RFX6: variants seen among roughly 807,000 people sequenced by gnomAD.
RFX6 encodes DNA-binding protein RFX6.
In RFX6, 50 loss-of-function variants were observed where a neutral mutation model predicts 110.8. That is an observed-to-expected ratio of 0.45 (90% CI 0.36 to 0.57). The LOEUF is 0.57. Among genes scored for constraint, RFX6 ranks in the 20% least tolerant of loss-of-function variants. RFX6 has a pLI of 0.00. For missense variants in RFX6, 990 were observed against 1,127.0 expected (o/e 0.88, Z 1.74); for synonymous variants, 383 against 411.2 (o/e 0.93, Z 0.83).
Position 116,893,741 on chromosome 6 carries a change from G to A in RFX6, c.567-246G>A, listed in dbSNP as rs138670593. On this transcript the variant is annotated intron_variant, in intron 4 of 18. Coordinates refer to ENST00000332958, the MANE Select transcript of RFX6 (RefSeq NM_173560.4). ...ACCTAATGTTTTAGGGTATGTAAGAGGATTGTCAGTAGGTAATTCTCATTT... is the reference window on the plus strand; with the variant it reads ...ACCTAATGTTTTAGGGTATGTAAGAAGATTGTCAGTAGGTAATTCTCATTT... Among the ~76,000 whole-genome samples the A allele has an allele frequency of 1.7e-3, 260 of 152,234 alleles. 1 individual carries two copies. Among genetic ancestry groups the A allele is most frequent in the African/African-American group, 6.0e-3 (249 of 41,536 alleles).
Position 116,927,171 on chromosome 6 carries a change from A to G in RFX6, c.2030A>G (p.His677Arg), listed in dbSNP as rs1275124303. The change falls in exon 17 of 19, where the codon CAC becomes CGC. Residue 677 changes from histidine to arginine, a missense_variant. Around this residue, in one of 5 missense-constraint regions of RFX6, gnomAD observed 438 missense variants for 441.9 expected, o/e 0.99. Transcript: ENST00000332958. ...SVGPVLSAPSHCSTYPEPIYP... is the reference protein window; with the variant it reads ...SVGPVLSAPSRCSTYPEPIYP... Reference sequence around the variant, plus strand: ...GGCCCAGTACTGTCAGCTCCATCACACTGCTCCACATACCCAGAGCCCATT... The same window carrying G: ...GGCCCAGTACTGTCAGCTCCATCACGCTGCTCCACATACCCAGAGCCCATT... The G allele has an allele frequency of 6.2e-7, 1 of 1,613,994 alleles. No homozygotes were observed. The highest frequency in any genetic ancestry group is 8.5e-7 in the Non-Finnish European group (1 of 1,180,020).
intron 14 of RFX6, 70 bp from the exon 15 acceptor site, chr6:116,924,599 C>T (rs1775668517): frequency 1.0e-5 from 14 of 1,378,638 alleles, no homozygotes; most frequent in Non-Finnish European, 1.3e-5. Context: ...TTCTCTTTCC[C>T]TTTCCTTCTC....
At chr6:116,893,710 T>G (rs1774878685) in intron 4 of RFX6, among the ~76,000 whole-genome samples, 1 of 152,138 alleles carries the variant, frequency 6.6e-6, no homozygotes, top group African/African-American at 2.4e-5. Context: ...ATTATTGGGA[T>G]TTGGAACCTA....
At chr6:116,921,506 T>C (rs1243073778) in intron 12 of RFX6, among the ~76,000 whole-genome samples, 1 of 152,224 alleles carries the variant, frequency 6.6e-6, no homozygotes, top group Non-Finnish European at 1.5e-5. Flanking sequence ...TGAATACACA[T>C]ATAAGATTTA....
chr6:116,928,675 C>T, intron 17 of RFX6, 84 bp from the exon 18 acceptor site: 2 of 867,960 alleles, frequency 2.3e-6, no homozygotes, highest in South Asian at 1.3e-5. Flanking sequence ...TTTAGGACGT[C>T]ACCTCATTAC....
chr6:116,922,832 A>G (rs55986414), intron 13 of RFX6, among the ~76,000 whole-genome samples: 16 of 152,312 alleles, frequency 1.1e-4, no homozygotes, highest in African/African-American at 3.8e-4. Context: ...GTCAAAGAAA[A>G]ATTAAAAAAT....
At chr6:116,888,442 G>A (rs1180463645) in intron 4 of RFX6, among the ~76,000 whole-genome samples, 1 of 152,122 alleles carries the variant, frequency 6.6e-6, no homozygotes, top group Non-Finnish European at 1.5e-5. Flanking sequence ...ACATAAGATT[G>A]AGGAAAGTTG....
intron 16 of RFX6, among the ~76,000 whole-genome samples, chr6:116,926,521 A>G (rs1392901242): frequency 1.3e-5 from 2 of 152,182 alleles, no homozygotes; most frequent in Non-Finnish European, 2.9e-5. Context: ...AGAGCCTTAT[A>G]GTTCAGGAGT....
chr6:116,880,512 T>C (rs1204770107), intron 2 of RFX6, 32 bp from the exon 3 acceptor site: 3 of 1,598,762 alleles, frequency 1.9e-6, no homozygotes, highest in East Asian at 2.2e-5. Flanking sequence ...GGAAATAAAA[T>C]ATTTGACCTA....
intron 4 of RFX6, among the ~76,000 whole-genome samples, chr6:116,884,122 G>A (rs141659497): frequency 0.011 from 1,702 of 152,186 alleles, 28 homozygotes; most frequent in Admixed American, 0.041. Context: ...GTCTTCCCCT[G>A]GAGAATGCCT....
chr6:116,899,484 A>C (rs339349), intron 6 of RFX6, among the ~76,000 whole-genome samples: 1 of 152,068 alleles, frequency 6.6e-6, no homozygotes, highest in Non-Finnish European at 1.5e-5. Flanking sequence ...AATCTGCAGC[A>C]GAGTTTAGGT....
chr6:116,899,339 G>A (rs1775018221), intron 6 of RFX6, among the ~76,000 whole-genome samples: 1 of 152,038 alleles, frequency 6.6e-6, no homozygotes, highest in African/African-American at 2.4e-5. Context: ...AGATGAATAT[G>A]TTACGAGCTT....
chr6:116,924,634 C>T (rs1189744349), intron 14 of RFX6, 35 bp from the exon 15 acceptor site: 3 of 1,593,278 alleles, frequency 1.9e-6, no homozygotes, highest in Admixed American at 3.3e-5. Flanking sequence ...TTACATTTCA[C>T]ACTGTCCTCT....
intron 2 of RFX6, among the ~76,000 whole-genome samples, chr6:116,879,352 A>G (rs1489421923): frequency 6.6e-6 from 1 of 152,026 alleles, no homozygotes; most frequent in African/African-American, 2.4e-5. Flanking sequence ...ATTTTTAAAT[A>G]GATAAACTAG....
intron 2 of RFX6, among the ~76,000 whole-genome samples, chr6:116,878,582 CAT>C (rs1236705845): frequency 6.6e-6 from 1 of 151,872 alleles, no homozygotes; most frequent in Non-Finnish European, 1.5e-5. Flanking sequence ...AGGATTTCCA[CAT>C]AGAGTGAACA....
chr6:116,914,008 A>G (rs1423028451), intron 7 of RFX6, among the ~76,000 whole-genome samples: 1 of 152,198 alleles, frequency 6.6e-6, no homozygotes, highest in Non-Finnish European at 1.5e-5. Context: ...CTACAGATCT[A>G]TCCAACACCA....
intron 14 of RFX6, chr6:116,923,514 A>G (rs1775647360): frequency 2.5e-6 from 1 of 400,790 alleles, no homozygotes; most frequent in Non-Finnish European, 4.6e-6. Flanking sequence ...TGATGTATAT[A>G]AAAACAAATT....
chr6:116,899,213 T>A (rs1158934879), intron 6 of RFX6, among the ~76,000 whole-genome samples: 1 of 152,058 alleles, frequency 6.6e-6, no homozygotes, highest in African/African-American at 2.4e-5. Flanking sequence ...ACAAGTGAAA[T>A]GACATACCAT....
intron 12 of RFX6, among the ~76,000 whole-genome samples, chr6:116,921,267 C>G (rs1023806047): frequency 2.0e-5 from 3 of 152,174 alleles, no homozygotes; most frequent in Admixed American, 6.5e-5. Context: ...AAAGGATAGT[C>G]TTAAACTGCC....
Sources: allele counts gnomAD v4.1 joint callset (sites outside exome capture counted in the v4.1 genomes callset), GRCh38; gene constraint gnomAD v4.1.1; regional missense constraint gnomAD v4.1.1; transcripts MANE v1.5; gene names NCBI Gene and HGNC (gene_info 2026-07-23, HGNC 2026-07-21).